Variants in NCOR1 observed in about 807,000 individuals in gnomAD.
The protein encoded by NCOR1 is nuclear receptor corepressor 1.
Under a neutral mutation model 288.1 loss-of-function variants are expected in NCOR1, and 63 were observed. The observed-to-expected ratio is 0.22, with a 90% CI of 0.18 to 0.27. NCOR1 has a LOEUF of 0.27. NCOR1 is among the 10% of genes least tolerant of loss of function. The pLI, the probability that NCOR1 is intolerant of heterozygous loss-of-function variation, is 1.00. For missense variants in NCOR1, 2,397 were observed against 3,019.2 expected, an observed-to-expected ratio of 0.79 and a Z score of 4.83; for synonymous variants, 1,007 against 1,065.9, an observed-to-expected ratio of 0.94 and a Z score of 1.08.
chr17:16,160,925 G>GA (rs1204089277), intron 5 of NCOR1, among the ~76,000 whole-genome samples: 4 of 151,788 alleles, frequency 2.6e-5, no homozygotes, highest in Admixed American at 2.0e-4. Flanking sequence ...TGCCCAATTC[G>GA]AAAAAAATTT....
Position 16,086,296 on chromosome 17 carries a change from C to T in NCOR1, c.3163G>A (p.Gly1055Ser). ...ASEKPSFIMG[G>S]SISQGTPGTY... ...AGTCGTTTCACCTGTGAGATGGAGC[C>T]TCCCATTATAAAAGATGGTTTTTCT... Residue 1055 changes from glycine (G) to serine (S), a missense_variant, in exon 23 of 46, where the codon GGC becomes AGC. Physicochemically the swap from Gly to Ser is moderately conservative, Grantham distance 56. Transcript: ENST00000268712. The T allele has an allele frequency of 6.2e-7, 1 of 1,613,742 alleles. No homozygotes were observed. Among genetic ancestry groups the T allele is most frequent in the Non-Finnish European group, 8.5e-7 (1 of 1,179,922 alleles).
intron 43 of NCOR1, 51 bp downstream of exon 43, chr17:16,040,390 A>C (rs964283548): frequency 1.3e-6 from 2 of 1,504,390 alleles, no homozygotes; most frequent in Non-Finnish European, 1.8e-6. Context: ...TGTTGGACTG[A>C]CTACTGCTGT....
chr17:16,143,778 T>C (rs1196821661), intron 10 of NCOR1, 82 bp from the exon 11 acceptor site: 1 of 1,030,068 alleles, frequency 9.7e-7, no homozygotes, highest in African/African-American at 1.6e-5. Flanking sequence ...AGATTACTTT[T>C]CTGAATGGAA....
intron 23 of NCOR1, 47 bp downstream of exon 23, chr17:16,086,235 A>G (rs2152861694): frequency 6.4e-7 from 1 of 1,570,930 alleles, no homozygotes; most frequent in African/African-American, 1.4e-5. Flanking sequence ...AAGTTTTAAC[A>G]AAGCCATATT....
chr17:16,075,051 G>A (rs1447509156), intron 27 of NCOR1, among the ~76,000 whole-genome samples: 1 of 152,066 alleles, frequency 6.6e-6, no homozygotes, highest in African/African-American at 2.4e-5. Context: ...GGTATTTTTA[G>A]TAGAGACAGG....
chr17:16,203,731 T>A (rs178802), intron 1 of NCOR1, among the ~76,000 whole-genome samples: 66,974 of 152,088 alleles, frequency 0.44, 16,028 homozygotes, highest in Middle Eastern at 0.56. Context: ...ATGGGTCTAA[T>A]TTTTTTAAAA....
intron 23 of NCOR1, among the ~76,000 whole-genome samples, chr17:16,084,870 G>C (rs1045962471): frequency 1.3e-5 from 2 of 152,082 alleles, no homozygotes; most frequent in Non-Finnish European, 2.9e-5. Context: ...AGAAAACACA[G>C]GCGAATATCT....
At position 16,139,324 on chromosome 17, in the gene NCOR1, A is replaced by T. The variant is rs1197194118; in HGVS notation, c.1174-138T>A. 4 of 558,458 alleles carry T rather than the reference A, an allele frequency of 7.2e-6. No individual in the cohort carries two copies. In the African/African-American group the frequency reaches 7.5e-5, roughly 10 times the overall value. 34.6% of individuals were successfully genotyped at this position (558,458 alleles called of 1,614,324 possible). A position where few individuals can be genotyped will look rare whatever the true frequency, so the allele number is the denominator to read the frequency against. On this transcript the variant is annotated intron_variant, in intron 11 of 45. Transcript: ENST00000268712. Reference sequence around the variant, plus strand: ...AATAGCAGTGTATACCACAGCATCTAACATACAATAATTACTCATATATCT... The same window carrying T: ...AATAGCAGTGTATACCACAGCATCTTACATACAATAATTACTCATATATCT...
At chr17:16,154,038 T>C (rs1439250099) in intron 6 of NCOR1, among the ~76,000 whole-genome samples, 1 of 144,704 alleles carries the variant, frequency 6.9e-6, no homozygotes, top group Non-Finnish European at 1.5e-5. Context: ...TTTTTTTTTT[T>C]TTATTTGAGA....
At chr17:16,168,095 AAAT>A (rs1248965231) in intron 4 of NCOR1, among the ~76,000 whole-genome samples, 2 of 152,228 alleles carry the variant, frequency 1.3e-5, no homozygotes, top group Non-Finnish European at 2.9e-5. Flanking sequence ...TTTTACTAAC[AAAT>A]AATAAGTGTA....
In NCOR1 at chr17:16,065,582, A is replaced by G. The variant is rs2061028736; in HGVS notation, c.4854T>C (p.Ile1618=). 1 of 1,614,102 alleles carries G rather than the reference A, an allele frequency of 6.2e-7. No individual in the cohort carries two copies. The highest frequency in any genetic ancestry group is 1.7e-5 in the Admixed American group (1 of 60,008). ...AGTTCACTTGCATCTGTTGTGAGGT[A>G]ATGTAATCATTTAAGATTGTCTGTC... is the stretch of plus-strand genomic sequence containing the variant. The part of the protein sequence containing the change: ...NTRQTILNDY[I]TSQQMQVNLR... The change falls in exon 33 of 46, where the codon ATT becomes ATC. Residue 1618 remains isoleucine (I), a synonymous_variant. Coordinates refer to ENST00000268712, the MANE Select transcript of NCOR1 (RefSeq NM_006311.4).
chr17:16,151,598 G>A (rs931190687), intron 8 of NCOR1: 1 of 1,337,510 alleles, frequency 7.5e-7, no homozygotes, highest in South Asian at 1.2e-5. Context: ...ACTTCATCAT[G>A]CGCCTTGCAG....
At chr17:16,181,542 G>A (rs933086874) in intron 3 of NCOR1, among the ~76,000 whole-genome samples, 2 of 151,996 alleles carry the variant, frequency 1.3e-5, no homozygotes, top group Non-Finnish European at 2.9e-5. Flanking sequence ...TATAACATGA[G>A]GACTAAAGTT....
At chr17:16,181,948 T>C (rs1189101746) in intron 3 of NCOR1, among the ~76,000 whole-genome samples, 1 of 152,180 alleles carries the variant, frequency 6.6e-6, no homozygotes, top group East Asian at 1.9e-4. Context: ...AACTTTTTTT[T>C]TTCCAAACCA....
intron 1 of NCOR1, among the ~76,000 whole-genome samples, chr17:16,200,003 A>G (rs901429331): frequency 6.6e-6 from 1 of 152,136 alleles, no homozygotes; most frequent in African/African-American, 2.4e-5. Context: ...AAATCCTCTC[A>G]TATTAAATAA....
rs751890789 is a variant in NCOR1 at position 16,071,426 on chromosome 17, C to T, written c.4135G>A (p.Glu1379Lys). 6.2e-7 allele frequency: 1 copy of T among 1,611,274 alleles called. No individual in the cohort carries two copies. Among genetic ancestry groups the T allele is most frequent in the Non-Finnish European group, 8.5e-7 (1 of 1,178,564 alleles). Residue 1379 changes from glutamate to lysine, a missense_variant, in exon 30 of 46, where the codon GAG becomes AAG. By Grantham distance (56) the Glu-to-Lys change is moderately conservative (BLOSUM62 1). Coordinates refer to ENST00000268712, the MANE Select transcript of NCOR1 (RefSeq NM_006311.4). ...EVVQSTRPII[E>K]GSISQGTPIK... ...TTAGTTACCTGGGAAATGGAACCCT[C>T]AATTATCGGCCGTGTGCTCTGGACC...
chr17:16,069,307 A>C (rs1360099104), intron 31 of NCOR1, among the ~76,000 whole-genome samples: 1 of 152,086 alleles, frequency 6.6e-6, no homozygotes, highest in African/African-American at 2.4e-5. Context: ...CTAAAGCTAC[A>C]AGCATTTGGA....
rs144368786 is a variant in NCOR1 at position 16,080,454 on chromosome 17, T to C, written c.3354A>G (p.Gln1118=). ...GGGCCCTGACCAACAGACCCTCAGGTTGTGAGTTTTGGCTTCGGGGAGAAA... is the reference window on the plus strand; with the variant it reads ...GGGCCCTGACCAACAGACCCTCAGGCTGTGAGTTTTGGCTTCGGGGAGAAA... ...EEFSPRSQNS[Q]PEGLLVRAQH... Residue 1118 remains glutamine, a synonymous_variant, in exon 25 of 46, where the codon CAA becomes CAG. Coordinates refer to ENST00000268712, the MANE Select transcript of NCOR1 (RefSeq NM_006311.4). The C allele has an allele frequency of 6.2e-7, 1 of 1,614,180 alleles. No individual in the cohort carries two copies. The highest frequency in any genetic ancestry group is 1.3e-5 in the African/African-American group (1 of 75,046).
In NCOR1 at chr17:16,150,442, G is replaced by A. The variant is rs147904903; in HGVS notation, c.843-925C>T. On this transcript the variant is annotated intron_variant, in intron 8 of 45. Coordinates refer to ENST00000268712, the MANE Select transcript of NCOR1 (RefSeq NM_006311.4). ...CTGAGGAAATATTCCAAAAGGTGTC[G>A]TACAGGGAAGCATTACCATATACTC... 1.1e-3 allele frequency among the ~76,000 whole-genome samples: 170 copies of A among 152,244 alleles called. 1 individual carries two copies. The highest frequency in any genetic ancestry group is 3.5e-3 in the African/African-American group (147 of 41,550).
Sources: allele counts gnomAD v4.1 joint callset (sites outside exome capture counted in the v4.1 genomes callset), GRCh38; gene constraint gnomAD v4.1.1; transcripts MANE v1.5; gene names NCBI Gene and HGNC (gene_info 2026-07-23, HGNC 2026-07-21).